Variants in PTPRD observed in about 807,000 individuals in gnomAD.
PTPRD encodes the protein protein tyrosine phosphatase receptor type D.
In PTPRD, 34 loss-of-function variants were observed where a neutral mutation model predicts 214.5. The ratio of observed to expected loss-of-function variants is 0.16; its 90% CI spans 0.12 to 0.21. The LOEUF (loss-of-function observed/expected upper bound fraction) is 0.21. Among genes scored for constraint, PTPRD ranks in the 10% least tolerant of loss-of-function variants. The pLI, the probability that PTPRD is intolerant of heterozygous loss-of-function variation, is 1.00. For missense variants in PTPRD, 2,545 were observed against 2,398.7 expected (o/e 1.06, Z -1.27); for synonymous variants, 1,128 against 845.7 (o/e 1.33, Z -5.79).
intron 4 of PTPRD, among the ~76,000 whole-genome samples, chr9:9,952,792 A>G (rs556927167): frequency 2.6e-5 from 4 of 152,324 alleles, no homozygotes; most frequent in Admixed American, 1.3e-4. Flanking sequence ...ACCTCCAGTT[A>G]GAGTGAGGGC....
At chr9:9,548,758 C>T (rs1217748939) in intron 8 of PTPRD, among the ~76,000 whole-genome samples, 2 of 151,954 alleles carry the variant, frequency 1.3e-5, no homozygotes, top group Non-Finnish European at 2.9e-5. Flanking sequence ...ACGAATATTA[C>T]CAGAGATAAA....
chr9:9,275,114 ATATATTATATATATTATATATAATAT>A (rs1569566682), intron 9 of PTPRD, among the ~76,000 whole-genome samples: 2 of 55,194 alleles, frequency 3.6e-5, no homozygotes, highest in East Asian at 1.0e-3. Flanking sequence ...TATATTATAT[ATATATTATATATATTATATATAATAT>A]ATATATAATA....
At chr9:10,521,659 C>T (rs1204841316) in intron 2 of PTPRD, among the ~76,000 whole-genome samples, 1 of 152,120 alleles carries the variant, frequency 6.6e-6, no homozygotes, top group Admixed American at 6.6e-5. Flanking sequence ...CAGCCATCCA[C>T]CCTAACCTTC....
At chr9:8,775,193 G>C (rs1337055961) in intron 11 of PTPRD, among the ~76,000 whole-genome samples, 1 of 152,186 alleles carries the variant, frequency 6.6e-6, no homozygotes, top group African/African-American at 2.4e-5. Context: ...GCAAACAGCA[G>C]AAGGTGAGGC....
chr9:10,125,045 T>A (rs896557294), intron 3 of PTPRD, among the ~76,000 whole-genome samples: 1 of 152,156 alleles, frequency 6.6e-6, no homozygotes, highest in African/African-American at 2.4e-5. Context: ...ATCATCACTG[T>A]GAAAGTGAAG....
intron 11 of PTPRD, among the ~76,000 whole-genome samples, chr9:8,956,640 A>G (rs558224389): frequency 2.4e-4 from 37 of 151,930 alleles, no homozygotes; most frequent in African/African-American, 8.4e-4. Context: ...GAGCTATGTA[A>G]CATGCTTCAC....
chr9:9,845,885 T>C (rs1056995143), intron 5 of PTPRD, among the ~76,000 whole-genome samples: 6 of 152,078 alleles, frequency 3.9e-5, no homozygotes, highest in South Asian at 2.1e-4. Flanking sequence ...CCCAGCTCCA[T>C]GTCCAGAGGA....
At chr9:10,382,539 G>A (rs73644439) in intron 2 of PTPRD, among the ~76,000 whole-genome samples, 4,191 of 151,892 alleles carry the variant, frequency 0.028, 201 homozygotes, top group African/African-American at 0.096. Flanking sequence ...TGTAGAATAG[G>A]ATAAAATAGA....
intron 9 of PTPRD, among the ~76,000 whole-genome samples, chr9:9,377,016 AT>A (rs1434696085): frequency 1.3e-5 from 2 of 152,076 alleles, no homozygotes; most frequent in Non-Finnish European, 2.9e-5. Flanking sequence ...GAATGTGGAA[AT>A]TTTTAAAAAG....
chr9:8,907,461 T>C (rs550718797), intron 11 of PTPRD, among the ~76,000 whole-genome samples: 5 of 142,002 alleles, frequency 3.5e-5, no homozygotes, highest in Non-Finnish European at 7.5e-5. Context: ...GAGGTTGCAG[T>C]GAGCTGAGAT....
intron 3 of PTPRD, among the ~76,000 whole-genome samples, chr9:10,256,787 G>A (rs1293696061): frequency 1.3e-5 from 2 of 152,084 alleles, no homozygotes; most frequent in Admixed American, 1.3e-4. Flanking sequence ...AAAATGGCAG[G>A]TTTCCTCCTG....
intron 11 of PTPRD, among the ~76,000 whole-genome samples, chr9:8,829,792 C>T (rs1452886376): frequency 6.6e-6 from 1 of 152,196 alleles, no homozygotes; most frequent in African/African-American, 2.4e-5. Context: ...CACTAATAAC[C>T]ATAATCTTCA....
At chr9:8,848,506 T>C (rs1391373124) in intron 11 of PTPRD, among the ~76,000 whole-genome samples, 1 of 8,892 alleles carries the variant, frequency 1.1e-4, no homozygotes, top group Non-Finnish European at 1.8e-4. Context: ...TGGCAAATAT[T>C]TTTTTTTTTT....
At chr9:10,529,729 A>C (rs1304383577) in intron 2 of PTPRD, among the ~76,000 whole-genome samples, 1 of 151,508 alleles carries the variant, frequency 6.6e-6, no homozygotes, top group Non-Finnish European at 1.5e-5. Context: ...ATAATAATAA[A>C]AAGAATGAGT....
intron 11 of PTPRD, among the ~76,000 whole-genome samples, chr9:8,950,965 A>C (rs557167934): frequency 6.6e-6 from 1 of 152,128 alleles, no homozygotes; most frequent in African/African-American, 2.4e-5. Flanking sequence ...TATTTCAGAA[A>C]CGTTTTGATA....
chr9:9,967,106 A>G (rs192117184), intron 4 of PTPRD, among the ~76,000 whole-genome samples: 1 of 152,268 alleles, frequency 6.6e-6, no homozygotes, highest in African/African-American at 2.4e-5. Context: ...ATAATGTTTC[A>G]GTCAAGTTCT....
intron 7 of PTPRD, among the ~76,000 whole-genome samples, chr9:9,731,182 TA>T (rs1306435869): frequency 2.0e-5 from 3 of 152,186 alleles, no homozygotes; most frequent in South Asian, 2.1e-4. Flanking sequence ...CCAGAGTAAA[TA>T]TTTTTTTTAC....
chr9:8,451,863 T>C (rs753673960), intron 33 of PTPRD: 7 of 495,274 alleles, frequency 1.4e-5, no homozygotes, highest in South Asian at 9.0e-5. Flanking sequence ...GAATTAGAAA[T>C]ATCTATCTGG....
chr9:9,105,004 G>T (rs557584337), intron 10 of PTPRD, among the ~76,000 whole-genome samples: 1 of 152,162 alleles, frequency 6.6e-6, no homozygotes, highest in Admixed American at 6.5e-5. Context: ...AAACAAATCC[G>T]TTTAGGACAT....
Sources: gnomAD v4.1 joint callset for allele counts (sites outside exome capture counted in the v4.1 genomes callset) on GRCh38, gnomAD v4.1.1 for gene constraint, MANE v1.5 for transcripts, NCBI Gene and HGNC (gene_info 2026-07-23, HGNC 2026-07-21) for gene names.